The following TOX2 variants were observed in gnomAD, a reference collection of about 807,000 sequenced individuals.
TOX2 encodes the protein TOX high mobility group box family member 2.
Under a neutral mutation model 47.4 loss-of-function variants are expected in TOX2, and 15 were observed. That is an observed-to-expected ratio of 0.32 (90% confidence interval 0.21 to 0.49). TOX2 has a LOEUF of 0.49. Among genes scored for constraint, TOX2 ranks in the 20% least tolerant of loss-of-function variants. The pLI, the probability that TOX2 is intolerant of heterozygous loss-of-function variation, is 0.99. For missense variants in TOX2, 622 were observed against 673.1 expected, an observed-to-expected ratio of 0.92 and a Z score of 0.84; for synonymous variants, 290 against 296.6, an observed-to-expected ratio of 0.98 and a Z score of 0.23.
chr20:43,926,998 C>T (rs1404475370), intron 1 of TOX2, among the ~76,000 whole-genome samples: 1 of 152,228 alleles, frequency 6.6e-6, no homozygotes, highest in Non-Finnish European at 1.5e-5. Flanking sequence ...GCTGTGGAAG[C>T]CACCCTGGCT....
Position 44,042,640 on chromosome 20 carries a change from T to G in TOX2, c.412-8666T>G, listed in dbSNP as rs1012775325. 2.0e-5 allele frequency among the ~76,000 whole-genome samples: 3 copies of G among 152,246 alleles called. No homozygotes were observed. The East Asian group carries it at 5.8e-4, about 29-fold the overall frequency. ...AAGGACCTAGCAAATATCAGCAAAA[T>G]TAAATCTGTTACCCACATTAAAAAC... On this transcript the variant is annotated intron_variant, in intron 3 of 8. Coordinates refer to ENST00000341197, the MANE Select transcript of TOX2 (RefSeq NM_001098797.2).
At chr20:43,960,934 T>C (rs2069748004) in intron 1 of TOX2, among the ~76,000 whole-genome samples, 5 of 152,208 alleles carry the variant, frequency 3.3e-5, no homozygotes, top group Admixed American at 2.0e-4. Flanking sequence ...CAGGTATGAA[T>C]GAGGAAACTG....
chr20:44,055,945 A>G (rs1014568176), intron 5 of TOX2, among the ~76,000 whole-genome samples: 1 of 152,026 alleles, frequency 6.6e-6, no homozygotes, highest in Non-Finnish European at 1.5e-5. Flanking sequence ...TAATGCAGAG[A>G]GTTTATTTGG....
At chr20:43,951,729 A>G (rs78673967) in intron 1 of TOX2, among the ~76,000 whole-genome samples, 27 of 10,054 alleles carry the variant, frequency 2.7e-3, no homozygotes, top group African/African-American at 9.9e-3. Context: ...TTTTTTTTTT[A>G]GAGAAAGGGT....
chr20:44,029,609 C>G (rs1403999413), intron 3 of TOX2, among the ~76,000 whole-genome samples: 2 of 152,174 alleles, frequency 1.3e-5, no homozygotes, highest in African/African-American at 4.8e-5. Flanking sequence ...AGTGGCAAAC[C>G]CATGTTCCAG....
chr20:43,941,579 C>G lies in TOX2; in HGVS notation c.99+26589C>G, dbSNP rs190361560. 3.0e-4 allele frequency among the ~76,000 whole-genome samples: 45 copies of G among 152,272 alleles called. No individual in the cohort carries two copies. In the East Asian group the frequency reaches 7.4e-3, roughly 25 times the overall value. On this transcript the variant is annotated intron_variant, in intron 1 of 8. Transcript: ENST00000341197. ...AACTCCTGACGTCATGTGATCCACC[C>G]ACTTCGGCCTCCCAAAGTGTTGGGA...
chr20:43,939,231 C>CA (rs2069369853), intron 1 of TOX2, among the ~76,000 whole-genome samples: 1 of 152,202 alleles, frequency 6.6e-6, no homozygotes, highest in Non-Finnish European at 1.5e-5. Flanking sequence ...TAGCTGTGCA[C>CA]ATCTAGTAAG....
At chr20:44,008,428 C>A (rs2070723629) in intron 3 of TOX2, among the ~76,000 whole-genome samples, 1 of 152,020 alleles carries the variant, frequency 6.6e-6, no homozygotes, top group African/African-American at 2.4e-5. Flanking sequence ...GGCATAGTGG[C>A]ACACACCTGT....
chr20:44,069,601 T>G lies in TOX2; in HGVS notation c.*915T>G, dbSNP rs2071902475. ...TCTCAAATCTCTTTATAATAAAACTTCTGAAAAGCTGAAAACAAGTCTGTG... is the reference window on the plus strand; with the variant it reads ...TCTCAAATCTCTTTATAATAAAACTGCTGAAAAGCTGAAAACAAGTCTGTG... On this transcript the variant is annotated 3_prime_UTR_variant, in exon 9 of 9. Transcript: ENST00000341197. The G allele has an allele frequency of 6.6e-6, 1 of 152,632 alleles. No individual in the cohort carries two copies. The highest frequency in any genetic ancestry group is 2.4e-5 in the African/African-American group (1 of 41,420). The allele number at this position is 152,632 out of a possible 1,614,324, so 9.5% of individuals were successfully genotyped here.
At chr20:43,965,857 C>A (rs1600690072) in intron 1 of TOX2, among the ~76,000 whole-genome samples, 1 of 152,036 alleles carries the variant, frequency 6.6e-6, no homozygotes, top group African/African-American at 2.4e-5. Context: ...GAAAGGAAGT[C>A]AAGATGAGCA....
At chr20:44,050,181 T>C (rs2071484734) in intron 3 of TOX2, among the ~76,000 whole-genome samples, 1 of 152,214 alleles carries the variant, frequency 6.6e-6, no homozygotes, top group Non-Finnish European at 1.5e-5. Context: ...TATAAATATA[T>C]ACAATTTGTC....
intron 4 of TOX2, among the ~76,000 whole-genome samples, chr20:44,053,439 T>TATACACACACAC (rs373458500): frequency 8.7e-4 from 125 of 143,144 alleles, no homozygotes; most frequent in African/African-American, 1.4e-3. Flanking sequence ...GGCAGATATA[T>TATACACACACAC]ACACACACAC....
chr20:43,943,589 A>G (rs549817781), intron 1 of TOX2, among the ~76,000 whole-genome samples: 2 of 152,272 alleles, frequency 1.3e-5, no homozygotes, highest in South Asian at 2.1e-4. Context: ...CTGATCACAC[A>G]TTGCTCCAGC....
At chr20:43,949,901 AAATGTT>A (rs1333235011) in intron 1 of TOX2, among the ~76,000 whole-genome samples, 3 of 152,148 alleles carry the variant, frequency 2.0e-5, no homozygotes, top group Non-Finnish European at 4.4e-5. Context: ...GACAGCACAG[AAATGTT>A]AATTTAGGCA....
At chr20:43,923,846 G>C (rs72626531) in intron 1 of TOX2, among the ~76,000 whole-genome samples, 1 of 152,138 alleles carries the variant, frequency 6.6e-6, no homozygotes, top group Non-Finnish European at 1.5e-5. Flanking sequence ...AGGAGGAAAC[G>C]TGCTTGGGCC....
chr20:44,056,419 T>C (rs1487113384), intron 5 of TOX2, among the ~76,000 whole-genome samples: 1 of 152,198 alleles, frequency 6.6e-6, no homozygotes, highest in East Asian at 1.9e-4. Context: ...CAGGTTGTTT[T>C]TGTTTGGTGG....
At chr20:43,920,966 C>T (rs1206051117) in intron 1 of TOX2, among the ~76,000 whole-genome samples, 1 of 152,190 alleles carries the variant, frequency 6.6e-6, no homozygotes, top group Non-Finnish European at 1.5e-5. Flanking sequence ...CATAGATGCT[C>T]AGCAAATATT....
chr20:44,050,516 A>G (rs887888320), intron 3 of TOX2, among the ~76,000 whole-genome samples: 1 of 152,244 alleles, frequency 6.6e-6, no homozygotes, highest in African/African-American at 2.4e-5. Flanking sequence ...GCTTCACTCA[A>G]CAGGGTGTGG....
intron 4 of TOX2, among the ~76,000 whole-genome samples, chr20:44,054,016 TC>T (rs1179540394): frequency 2.6e-5 from 4 of 152,212 alleles, no homozygotes; most frequent in Non-Finnish European, 4.4e-5. Flanking sequence ...AATTTAGTAA[TC>T]TAATTCCAGC....
Sources: allele counts gnomAD v4.1 joint callset (sites outside exome capture counted in the v4.1 genomes callset), GRCh38; gene constraint gnomAD v4.1.1; transcripts MANE v1.5; gene names NCBI Gene and HGNC (gene_info 2026-07-23, HGNC 2026-07-21).